Variants in PI4K2A observed in about 807,000 individuals in gnomAD.
PI4K2A encodes phosphatidylinositol 4-kinase type 2-alpha.
PI4K2A carries 20 observed loss-of-function variants against 55.0 expected under a neutral mutation model. That is an observed-to-expected ratio of 0.36 (90% CI 0.26 to 0.53). PI4K2A has a LOEUF of 0.53. Ranked by LOEUF, PI4K2A falls within the 20% of genes least tolerant of loss-of-function variation. PI4K2A has a pLI of 0.91. For missense variants in PI4K2A, 463 were observed against 637.1 expected (o/e 0.73, Z 2.94); for synonymous variants, 235 against 258.5 (o/e 0.91, Z 0.87).
At chr10:97,660,063 G>A (rs1386271052) in intron 4 of PI4K2A, among the ~76,000 whole-genome samples, 1 of 142,378 alleles carries the variant, frequency 7.0e-6, no homozygotes, top group Non-Finnish European at 1.5e-5. Flanking sequence ...GTGCAGTGGC[G>A]CGATCTCGGC....
intron 2 of PI4K2A, among the ~76,000 whole-genome samples, chr10:97,653,185 T>C (rs1250369107): frequency 6.6e-6 from 1 of 152,266 alleles, no homozygotes; most frequent in Non-Finnish European, 1.5e-5. Flanking sequence ...CTTCCTTTAC[T>C]AGGCAAATAG....
intron 1 of PI4K2A, among the ~76,000 whole-genome samples, chr10:97,649,981 G>C (rs1483094922): frequency 6.6e-6 from 1 of 151,948 alleles, no homozygotes; most frequent in Non-Finnish European, 1.5e-5. Flanking sequence ...TCTGTAATTG[G>C]TGCAGAACAA....
At chr10:97,651,260 G>T (rs2041528985) in intron 2 of PI4K2A, 119 bp downstream of exon 2, 2 of 685,028 alleles carry the variant, frequency 2.9e-6, no homozygotes, top group East Asian at 5.4e-5. Context: ...CTAAGTCTGG[G>T]TTCTCGATCT....
intron 2 of PI4K2A, among the ~76,000 whole-genome samples, chr10:97,655,234 G>C (rs966874474): frequency 4.0e-5 from 6 of 151,890 alleles, no homozygotes; most frequent in Non-Finnish European, 5.9e-5. Flanking sequence ...GCCAGGAGTG[G>C]TGGCACACAC....
At chr10:97,664,265 A>T (rs1329587703) in intron 5 of PI4K2A, among the ~76,000 whole-genome samples, 1 of 152,230 alleles carries the variant, frequency 6.6e-6, no homozygotes, top group Admixed American at 6.5e-5. Context: ...GATGGCACCC[A>T]TGAACCTGAA....
Position 97,664,996 on chromosome 10 carries a change from G to T in PI4K2A, c.1084+12G>T. On this transcript the variant is annotated intron_variant, in intron 6 of 8. Coordinates refer to ENST00000370631, the Ensembl canonical transcript of PI4K2A. ...CTCCTGGAGGGCATGTAAGTCTCCA[G>T]ACAATGGTGGTCTGGCTCTTCCCTT... 6.5e-7 allele frequency: 1 copy of T among 1,539,274 alleles called. No homozygotes were observed. Among genetic ancestry groups the T allele is most frequent in the South Asian group, 1.1e-5 (1 of 89,318 alleles).
At chr10:97,672,482 T>C (rs900064895) in intron 8 of PI4K2A, among the ~76,000 whole-genome samples, 5 of 152,192 alleles carry the variant, frequency 3.3e-5, no homozygotes, top group Non-Finnish European at 5.9e-5. Context: ...TTTTCTGCTT[T>C]CCTTTGCATC....
At chr10:97,662,614 C>A (rs922576330) in intron 4 of PI4K2A, among the ~76,000 whole-genome samples, 1 of 152,206 alleles carries the variant, frequency 6.6e-6, no homozygotes, top group African/African-American at 2.4e-5. Flanking sequence ...ACCTCTCAAG[C>A]TCTTAGCCAG....
In PI4K2A at chr10:97,664,995, AG is replaced by A. The variant is rs1204189557; in HGVS notation, c.1084+12del. The stretch of plus-strand genomic sequence containing the variant: ...ACTCCTGGAGGGCATGTAAGTCTCC[AG>A]ACAATGGTGGTCTGGCTCTTCCCTT... On this transcript the variant is annotated intron_variant, in intron 6 of 8. Coordinates refer to ENST00000370631, the Ensembl canonical transcript of PI4K2A. The A allele has an allele frequency of 6.4e-7, 1 of 1,554,926 alleles. No homozygotes were observed. Among genetic ancestry groups the A allele is most frequent in the Non-Finnish European group, 8.9e-7 (1 of 1,126,492 alleles).
At chr10:97,662,967 G>C in exon 5 of PI4K2A, 1 of 1,580,996 alleles carries the variant, frequency 6.3e-7, no homozygotes. Flanking sequence ...TCTAGCTCTC[G>C]GGTAAGAGAC....
At chr10:97,659,165 G>C (rs1246847677) in intron 4 of PI4K2A, among the ~76,000 whole-genome samples, 1 of 152,140 alleles carries the variant, frequency 6.6e-6, no homozygotes, top group Non-Finnish European at 1.5e-5. Flanking sequence ...CACCCGAGTA[G>C]CTGGGACTAC....
In PI4K2A at chr10:97,656,410, A is replaced by C; in HGVS notation, c.762A>C (p.Pro254=). The C allele has an allele frequency of 6.2e-7, 1 of 1,614,072 alleles. No individual in the cohort carries two copies. The highest frequency in any genetic ancestry group is 8.5e-7 in the Non-Finnish European group (1 of 1,179,994). ...AGCGGTTTAACCGCATCGGGCTACC[A>C]CCAAAGGTATAGACGCACCTCTGGC... Residue 254 remains proline (P), a synonymous_variant, in exon 3 of 9, where the codon CCA becomes CCC. Coordinates refer to ENST00000370631, the Ensembl canonical transcript of PI4K2A. This position sits in a 1 kb window ranked among gnomAD's most constrained non-coding sequence, Gnocchi z 4.5.
intron 1 of PI4K2A, among the ~76,000 whole-genome samples, chr10:97,646,647 A>G (rs992248011): frequency 2.6e-5 from 4 of 152,238 alleles, no homozygotes; most frequent in Non-Finnish European, 5.9e-5. Flanking sequence ...TGTGAATGAT[A>G]TGCTTGAACT....
At chr10:97,666,291 A>G in intron 6 of PI4K2A, 147 bp from the exon 7 acceptor site, 1 of 670,940 alleles carries the variant, frequency 1.5e-6, no homozygotes, top group Non-Finnish European at 2.5e-6. Flanking sequence ...TGTAACCTTT[A>G]CAGTTAAGAG....
chr10:97,645,145 A>G (rs2041498837), intron 1 of PI4K2A, among the ~76,000 whole-genome samples: 1 of 152,148 alleles, frequency 6.6e-6, no homozygotes, highest in Non-Finnish European at 1.5e-5. Context: ...GCCAAGAATC[A>G]TAGGACAGCA....
intron 8 of PI4K2A, among the ~76,000 whole-genome samples, chr10:97,672,722 GTTCT>G (rs1289817371): frequency 5.3e-5 from 5 of 94,790 alleles, no homozygotes; most frequent in Non-Finnish European, 1.0e-4. Flanking sequence ...CAGAGGGTCT[GTTCT>G]TTTTTTTTTT....
chr10:97,646,378 G>A (rs1157001259), intron 1 of PI4K2A, among the ~76,000 whole-genome samples: 1 of 151,880 alleles, frequency 6.6e-6, no homozygotes, highest in East Asian at 1.9e-4. Context: ...CACCATGCCC[G>A]GCTAATTTTC....
At chr10:97,651,927 C>T (rs974977577) in intron 2 of PI4K2A, among the ~76,000 whole-genome samples, 3 of 152,058 alleles carry the variant, frequency 2.0e-5, no homozygotes, top group African/African-American at 4.8e-5. Flanking sequence ...TGAACATGTC[C>T]GGACACATCA....
intron 1 of PI4K2A, among the ~76,000 whole-genome samples, chr10:97,649,609 A>ATTTTTTTTTTTTTTTT (rs60329004): frequency 2.8e-5 from 2 of 70,502 alleles, no homozygotes; most frequent in Non-Finnish European, 6.2e-5. Context: ...TCCATAATAG[A>ATTTTTTTTTTTTTTTT]TTTTTTTTTT....
Sources: gnomAD v4.1 joint callset for allele counts (sites outside exome capture counted in the v4.1 genomes callset) on GRCh38, gnomAD v4.1.1 for gene constraint, Gnocchi (gnomAD v3.1) non-coding constraint, MANE v1.5 for transcripts, NCBI Gene and HGNC (gene_info 2026-07-23, HGNC 2026-07-21) for gene names.